VSX1: variants seen among roughly 807,000 people sequenced by gnomAD.
The protein encoded by VSX1 is homeodomain protein RINX.
Under a neutral mutation model 23.6 loss-of-function variants are expected in VSX1, and 23 were observed. The observed-to-expected ratio is 0.97, with a 90% CI of 0.70 to 1.38. The LOEUF is 1.38. VSX1 is among the 40% of genes most tolerant of loss of function. The pLI is 0.00. For missense variants in VSX1, 517 were observed against 495.4 expected, an observed-to-expected ratio of 1.04 and a Z score of -0.41; for synonymous variants, 247 against 215.1, an observed-to-expected ratio of 1.15 and a Z score of -1.30.
chr20:25,077,701 G>C lies in VSX1; in HGVS notation c.792C>G (p.Cys264Trp). 2 of 1,548,946 alleles carry C rather than the reference G, an allele frequency of 1.3e-6. No homozygotes were observed. The highest frequency in any genetic ancestry group is 1.7e-6 in the Non-Finnish European group (2 of 1,146,774). ...CTTCCTTACCCAGGAGCCAGGGCGC[G>C]CAGGAGCCCAGCAGGCCGCCCTCGG... Reference protein sequence around the residue: ...NSAEGGLLGSCAPWLLGMHKK... With the variant: ...NSAEGGLLGSWAPWLLGMHKK... Residue 264 changes from cysteine to tryptophan, a missense_variant, in exon 4 of 5, where the codon TGC (cysteine) becomes TGG (tryptophan). Cys to Trp is a radical substitution (Grantham distance 215, BLOSUM62 -2). Coordinates refer to ENST00000376709, the MANE Select transcript of VSX1 (RefSeq NM_014588.6).
At chr20:25,079,383 C>T (rs1457969659) in intron 2 of VSX1, 53 bp downstream of exon 2, 6 of 1,550,666 alleles carry the variant, frequency 3.9e-6, no homozygotes, top group Admixed American at 1.8e-5. Context: ...TGCCATAAAC[C>T]TTGGGCTGTG....
rs1410877517 is a variant in VSX1, at chr20:25,077,686, C to A, written c.807G>T (p.Leu269=). ...GCGATCCCGGGGGCCCTTCCTTACC[C>A]AGGAGCCAGGGCGCGCAGGAGCCCA... ...GLLGSCAPWL[L]GMHKKSMGMI... The change falls in exon 4 of 5, where the codon CTG becomes CTT. Residue 269 remains leucine, a splice_region_variant and synonymous_variant. Coordinates refer to ENST00000376709, the MANE Select transcript of VSX1 (RefSeq NM_014588.6). The A allele has an allele frequency of 6.5e-7, 1 of 1,547,758 alleles. No homozygotes were observed. The highest frequency in any genetic ancestry group is 2.0e-5 in the Admixed American group (1 of 51,010).
chr20:25,081,520 G>A (rs1431529632), intron 1 of VSX1, 153 bp downstream of exon 1: 3 of 1,179,390 alleles, frequency 2.5e-6, no homozygotes, highest in Admixed American at 1.7e-5. Flanking sequence ...GCAGCTCCGC[G>A]AATGCCCCTC....
chr20:25,078,996 G>T, intron 2 of VSX1, 44 bp from the exon 3 acceptor site: 2 of 1,611,888 alleles, frequency 1.2e-6, no homozygotes, highest in Non-Finnish European at 8.5e-7. Flanking sequence ...TGTCCCCTGG[G>T]GACAGCAGCC....
chr20:25,070,937 G>A (rs985119310), downstream of VSX1: 17 of 438,508 alleles, frequency 3.9e-5, no homozygotes, highest in African/African-American at 3.5e-4. Context: ...TGAAAAGGAG[G>A]AAGTACTTCT....
At position 25,076,412 on chromosome 20, in the gene VSX1, C is replaced by A; in HGVS notation, c.947G>T (p.Ser316Ile). The A allele has an allele frequency of 6.2e-7, 1 of 1,614,160 alleles. No homozygotes were observed. ...SGSQRGSDKVSPENGLEDVAI... is the reference protein window; with the variant it reads ...SGSQRGSDKVIPENGLEDVAI... Reference sequence around the variant, plus strand: ...CACATCTTCCAAGCCATTCTCAGGGCTCACTTTATCTGAGCCTCTCTGTGA... The same window carrying A: ...CACATCTTCCAAGCCATTCTCAGGGATCACTTTATCTGAGCCTCTCTGTGA... Residue 316 changes from serine (S) to isoleucine (I), a missense_variant, in exon 5 of 5, where the codon AGC (serine) becomes ATC (isoleucine). Ser to Ile is a moderately radical substitution (Grantham distance 142). Coordinates refer to ENST00000376709, the MANE Select transcript of VSX1 (RefSeq NM_014588.6).
chr20:25,080,994 T>C (rs2089627953), intron 1 of VSX1, among the ~76,000 whole-genome samples: 1 of 152,204 alleles, frequency 6.6e-6, no homozygotes, highest in African/African-American at 2.4e-5. Flanking sequence ...AGAATTTCAT[T>C]GCTTCCTTCT....
downstream of VSX1, among the ~76,000 whole-genome samples, chr20:25,073,899 A>C (rs1001598681): frequency 6.6e-6 from 1 of 152,194 alleles, no homozygotes; most frequent in African/African-American, 2.4e-5. Flanking sequence ...TGGTCCTTGC[A>C]CAGCCAGGGA....
At chr20:25,075,057 A>C (rs1288681571), downstream of VSX1, among the ~76,000 whole-genome samples, 1 of 152,194 alleles carries the variant, frequency 6.6e-6, no homozygotes, top group East Asian at 1.9e-4. Context: ...AGAGTATGGA[A>C]CTAACATAGG....
Position 25,079,469 on chromosome 20 carries a change from G to A in VSX1, c.470C>T (p.Pro157Leu). 1.2e-6 allele frequency: 2 copies of A among 1,613,022 alleles called. No individual in the cohort carries two copies. The highest frequency in any genetic ancestry group is 1.7e-6 in the Non-Finnish European group (2 of 1,179,802). ...CCGCTTCTTCCTCTTGCCCAAGGTG[G>A]GGGATGCCTTTAGGTCATTCCTGTC... ...SEDRNDLKASPTLGKRKKRRH... is the reference protein window; with the variant it reads ...SEDRNDLKASLTLGKRKKRRH... The change falls in exon 2 of 5, where the codon CCC becomes CTC. Residue 157 changes from proline (P) to leucine (L), a missense_variant. By Grantham distance (98) the Pro-to-Leu change is moderately conservative. Coordinates refer to ENST00000376709, the MANE Select transcript of VSX1 (RefSeq NM_014588.6).
At chr20:25,077,612 G>T (rs2089528249) in intron 4 of VSX1, 73 bp downstream of exon 4, 1 of 1,520,450 alleles carries the variant, frequency 6.6e-7, no homozygotes, top group Non-Finnish European at 8.8e-7. Flanking sequence ...TGGCTGCCTC[G>T]GTGGGGACAC....
intron 3 of VSX1, chr20:25,078,082 C>T: frequency 1.6e-6 from 1 of 616,298 alleles, no homozygotes; most frequent in Non-Finnish European, 2.8e-6. Context: ...GACTCACGGG[C>T]ATTCAACGCA....
downstream of VSX1, chr20:25,071,261 T>C (rs1200693154): frequency 4.4e-6 from 2 of 453,678 alleles, no homozygotes; most frequent in South Asian, 1.6e-5. Flanking sequence ...GGGATGCCCA[T>C]GTGTCATTCA....
Position 25,076,125 on chromosome 20 carries a change from T to G in VSX1, c.*136A>C, listed in dbSNP as rs2089484899. The G allele has an allele frequency of 8.0e-7, 1 of 1,246,368 alleles. No homozygotes were observed. The highest frequency in any genetic ancestry group is 1.3e-5 in the South Asian group (1 of 77,530). The allele number at this position is 1,246,368 out of a possible 1,614,324, so 77.2% of individuals were successfully genotyped here. On this transcript the variant is annotated 3_prime_UTR_variant, in exon 5 of 5. Transcript: ENST00000376709. Reference sequence around the variant, plus strand: ...CACTCATCTGTCCTCTTAAAGCAAGTGGCATTGCATTTTATCTTGACATTG... The same window carrying G: ...CACTCATCTGTCCTCTTAAAGCAAGGGGCATTGCATTTTATCTTGACATTG...
At position 25,075,877 on chromosome 20, in the gene VSX1, A is replaced by C. The variant is rs1218959427; in HGVS notation, c.*384T>G. On this transcript the variant is annotated 3_prime_UTR_variant, in exon 5 of 5. Coordinates refer to ENST00000376709, the MANE Select transcript of VSX1 (RefSeq NM_014588.6). ...TCTTCTGGATATTAAACAATTTTAT[A>C]TTTCCTAATTGAGAATGAGGACATC... 4.7e-6 allele frequency: 1 copy of C among 214,136 alleles called. No individual in the cohort carries two copies. Among genetic ancestry groups the C allele is most frequent in the Non-Finnish European group, 9.4e-6 (1 of 106,510 alleles). 13.3% of individuals were successfully genotyped at this position (214,136 alleles called of 1,614,324 possible).
At chr20:25,079,287 C>G (rs1057334873) in intron 2 of VSX1, 149 bp downstream of exon 2, 24 of 762,876 alleles carry the variant, frequency 3.1e-5, no homozygotes, top group Middle Eastern at 3.8e-4. Context: ...AATTATCTTC[C>G]CAAATGGCTT....
At chr20:25,071,762 A>G, downstream of VSX1, 1 of 696,270 alleles carries the variant, frequency 1.4e-6, no homozygotes, top group Non-Finnish European at 2.6e-6. Context: ...TTCAACTCCT[A>G]GGTTGTTGAA....
At chr20:25,078,153 A>G (rs2089551946) in intron 3 of VSX1, among the ~76,000 whole-genome samples, 1 of 152,194 alleles carries the variant, frequency 6.6e-6, no homozygotes, top group South Asian at 2.1e-4. Context: ...GAAAAAAACT[A>G]AAGAATCAAA....
intron 4 of VSX1, 101 bp downstream of exon 4, chr20:25,077,584 G>T (rs1399230667): frequency 2.9e-6 from 4 of 1,393,304 alleles, no homozygotes; most frequent in Non-Finnish European, 3.9e-6. Flanking sequence ...GTAAACTGAC[G>T]TTGCTTTGCT....
Sources: allele counts gnomAD v4.1 joint callset (sites outside exome capture counted in the v4.1 genomes callset), GRCh38; gene constraint gnomAD v4.1.1; transcripts MANE v1.5; gene names NCBI Gene and HGNC (gene_info 2026-07-23, HGNC 2026-07-21).